TRO: variants seen among roughly 807,000 people sequenced by gnomAD.
The protein encoded by TRO is MAGE superfamily protein.
Under a neutral mutation model 42.3 loss-of-function variants are expected in TRO, and 29 were observed. The observed-to-expected ratio is 0.68, with a 90% CI of 0.51 to 0.93. The LOEUF (loss-of-function observed/expected upper bound fraction) is 0.93. Ranked by LOEUF, TRO falls within the 40% of genes least tolerant of loss-of-function variation. The pLI is 0.00. For synonymous variants in TRO, 384 were observed against 425.2 expected (o/e 0.90, Z 1.19); for missense variants, 963 against 1,127.7 (o/e 0.85, Z 2.09).
At position 54,929,139 on chromosome X, in the gene TRO, C is replaced by T; in HGVS notation, c.2415C>T (p.Phe805=). 1 of 1,212,357 alleles carries T rather than the reference C, an allele frequency of 8.2e-7. No homozygotes were observed. The change falls in exon 12 of 13, where the codon TTC becomes TTT. Residue 805 remains phenylalanine (F), a synonymous_variant. Coordinates refer to ENST00000173898, the MANE Select transcript of TRO (RefSeq NM_001039705.3). ...FGCAHSTSTS[F]SSEASISFGG... is the part of the protein sequence containing the mutation. ...GTGCACACAGCACCAGCACTAGTTTCAGCAGTGAAGCCAGCATTAGCTTTG... is the reference window on the plus strand; with the variant it reads ...GTGCACACAGCACCAGCACTAGTTTTAGCAGTGAAGCCAGCATTAGCTTTG...
Position 54,930,439 on chromosome X carries a change from T to A in TRO, c.3715T>A (p.Phe1239Ile), listed in dbSNP as rs1933044126. 2.5e-6 allele frequency: 3 copies of A among 1,211,199 alleles called. No individual in the cohort carries two copies. The highest frequency in any genetic ancestry group is 3.4e-6 in the Non-Finnish European group (3 of 895,342). Residue 1239 changes from phenylalanine to isoleucine, a missense_variant, in exon 12 of 13, where the codon TTT becomes ATT. Physicochemically the swap from Phe to Ile is conservative, Grantham distance 21. Coordinates refer to ENST00000173898, the MANE Select transcript of TRO (RefSeq NM_001039705.3). ...FSGGLSTSSG[F>I]DGGLGTSAGF... ...TGGTGGCCTAAGCACAAGTTCTGGC[T>A]TTGATGGTGGGCTAGGTACCAGCGC...
chrX:54,923,801 G>C (rs1013185931), intron 3 of TRO, 33 bp downstream of exon 3: 24 of 1,143,189 alleles, frequency 2.1e-5, no homozygotes, highest in Non-Finnish European at 2.7e-5. Flanking sequence ...CCTTAACTTT[G>C]TGCTTCTTTT....
Position 54,929,697 on chromosome X carries a change from T to C in TRO, c.2973T>C (p.Gly991=), listed in dbSNP as rs370457889. 17 of 1,208,573 alleles carry C rather than the reference T, an allele frequency of 1.4e-5. No individual in the cohort carries two copies. Among genetic ancestry groups the C allele is most frequent in the Non-Finnish European group, 1.8e-5 (16 of 894,793 alleles). ...SVLNTSTGFG[G]AMSTSADFGG... is the part of the protein sequence containing the mutation. ...TCAACACCAGTACTGGTTTTGGTGG[T>C]GCTATGAGCACCAGTGCTGACTTTG... The change falls in exon 12 of 13, where the codon GGT becomes GGC. Residue 991 remains glycine, a synonymous_variant. Coordinates refer to ENST00000173898, the MANE Select transcript of TRO (RefSeq NM_001039705.3).
At position 54,923,764 on chromosome X, in the gene TRO, G is replaced by A. The variant is rs776270129; in HGVS notation, c.1232G>A (p.Arg411Gln). 7.5e-6 allele frequency: 9 copies of A among 1,195,695 alleles called. No individual in the cohort carries two copies. Among genetic ancestry groups the A allele is most frequent in the Non-Finnish European group, 1.0e-5 (9 of 888,136 alleles). ...ACCAGGACCCGGGGCAAAAGAAACC[G>A]AAAGGTGAGATCTCTGACATTGCCA... The part of the protein sequence containing the change: ...PTTRTRGKRN[R>Q]KSKHLNGDER... The change falls in exon 3 of 13, where the codon CGA becomes CAA. Residue 411 changes from arginine (R) to glutamine (Q), a missense_variant. Arg to Gln is a conservative substitution (Grantham distance 43, BLOSUM62 1). Coordinates refer to ENST00000173898, the MANE Select transcript of TRO (RefSeq NM_001039705.3).
rs746923091 is a variant in TRO at position 54,928,966 on chromosome X, A to G, written c.2242A>G (p.Ser748Gly). 2 of 1,212,377 alleles carry G rather than the reference A, an allele frequency of 1.6e-6. No individual in the cohort carries two copies. Among genetic ancestry groups the G allele is most frequent in the Non-Finnish European group, 2.2e-6 (2 of 895,662 alleles). The change falls in exon 12 of 13, where the codon AGT (serine) becomes GGT (glycine). Residue 748 changes from serine (S) to glycine (G), a missense_variant. Physicochemically the swap from Ser to Gly is moderately conservative, Grantham distance 56. This residue lies in a region of TRO where 641 missense variants were observed against 811.3 expected (regional missense o/e 0.79). Coordinates refer to ENST00000173898, the MANE Select transcript of TRO (RefSeq NM_001039705.3). ...TAGCTTCAATGGTGCACCCAGCTCC[A>G]GTGGTGGCTTCAGTGGTGGACCTGG... The part of the protein sequence containing the change: ...SISFNGAPSS[S>G]GGFSGGPGIT...
In TRO at chrX:54,923,278, C is replaced by T. The variant is rs772519832; in HGVS notation, c.746C>T (p.Ala249Val). The T allele has an allele frequency of 1.1e-5, 13 of 1,211,772 alleles. No individual in the cohort carries two copies. Among genetic ancestry groups the T allele is most frequent in the Non-Finnish European group, 1.5e-5 (13 of 895,484 alleles). The part of the protein sequence containing the change: ...TNETASIHTT[A>V]ASIRTKKASK... ...GAGACAGCCAGTATCCACACCACAG[C>T]AGCCTCCATCCGAACCAAGAAAGCC... The change falls in exon 3 of 13, where the codon GCA becomes GTA. Residue 249 changes from alanine (A) to valine (V), a missense_variant. Coordinates refer to ENST00000173898, the MANE Select transcript of TRO (RefSeq NM_001039705.3).
In TRO at chrX:54,929,302, A is replaced by G. The variant is rs934761377; in HGVS notation, c.2578A>G (p.Ser860Gly). Reference protein sequence around the residue: ...GGTLSTTAGFSGVLSTSTSFG... With the variant: ...GGTLSTTAGFGGVLSTSTSFG... ...CACACTCAGCACCACGGCTGGCTTT[A>G]GTGGTGTACTCAGCACTAGCACCAG... The change falls in exon 12 of 13, where the codon AGT becomes GGT. Residue 860 changes from serine (S) to glycine (G), a missense_variant. This residue lies in a region of TRO where 641 missense variants were observed against 811.3 expected (regional missense o/e 0.79). Coordinates refer to ENST00000173898, the MANE Select transcript of TRO (RefSeq NM_001039705.3). 8.3e-6 allele frequency: 10 copies of G among 1,209,897 alleles called. No homozygotes were observed. Among genetic ancestry groups the G allele is most frequent in the Non-Finnish European group, 1.0e-5 (9 of 895,035 alleles).
At chrX:54,926,336 T>C in intron 7 of TRO, 74 bp from the exon 8 acceptor site, 1 of 1,032,676 alleles carries the variant, frequency 9.7e-7, no homozygotes. Context: ...CTTTTGCGGA[T>C]GGCTGCTGAA....
Position 54,931,300 on chromosome X carries a change from C to G in TRO, c.*108C>G, listed in dbSNP as rs771044648. On this transcript the variant is annotated 3_prime_UTR_variant, in exon 13 of 13. Coordinates refer to ENST00000173898, the MANE Select transcript of TRO (RefSeq NM_001039705.3). ...TTGGAATCTTTGTCCACACAGCAGT[C>G]AAGGCAGTTATGGCCAATCAGCTGA... The G allele has an allele frequency of 5.0e-6, 6 of 1,211,992 alleles. No homozygotes were observed. Among genetic ancestry groups the G allele is most frequent in the Non-Finnish European group, 2.2e-6 (2 of 895,500 alleles).
chrX:54,924,877 C>T, intron 5 of TRO, 112 bp from the exon 6 acceptor site: 1 of 973,001 alleles, frequency 1.0e-6, no homozygotes, highest in Admixed American at 2.5e-5. Flanking sequence ...CTGGCATCTC[C>T]CATTAACTCA....
chrX:54,927,569 G>A (rs913107748), intron 10 of TRO, 98 bp from the exon 11 acceptor site: 1 of 573,920 alleles, frequency 1.7e-6, no homozygotes, highest in Non-Finnish European at 2.9e-6. Flanking sequence ...CTCTCCAGGG[G>A]CTGTTTGTAT....
intron 1 of TRO, 169 bp from the exon 2 acceptor site, chrX:54,922,030 ACTCT>A: frequency 5.3e-6 from 2 of 379,302 alleles, no homozygotes; most frequent in South Asian, 6.2e-5. Context: ...CGTAGAACTG[ACTCT>A]CTCGGAGGCA....
In TRO at chrX:54,923,408, A is replaced by T; in HGVS notation, c.876A>T (p.Val292=). ...DAATRQIEAS[V]VAIRPKKSKG... is the part of the protein sequence containing the mutation. ...CTACCAGGCAGATTGAGGCCTCAGT[A>T]GTGGCTATCAGGCCCAAAAAATCCA... The change falls in exon 3 of 13, where the codon GTA becomes GTT. Residue 292 remains valine, a synonymous_variant. Transcript: ENST00000173898. The T allele has an allele frequency of 2.5e-6, 3 of 1,199,650 alleles. No individual in the cohort carries two copies. The highest frequency in any genetic ancestry group is 3.4e-6 in the Non-Finnish European group (3 of 888,987).
At chrX:54,922,084 T>TACC in intron 1 of TRO, 119 bp from the exon 2 acceptor site, 2 of 508,781 alleles carry the variant, frequency 3.9e-6, no homozygotes, top group Non-Finnish European at 6.2e-6. Context: ...CCTGGGTTTT[T>TACC]TAGGTATGAA....
At chrX:54,925,713 G>A in intron 7 of TRO, 30 bp downstream of exon 7, 9 of 1,123,682 alleles carry the variant, frequency 8.0e-6, no homozygotes, top group Non-Finnish European at 1.1e-5. Flanking sequence ...GAGTGGGAAG[G>A]AAGCTTCTGC....
In TRO at chrX:54,931,017, C is replaced by A; in HGVS notation, c.4293C>A (p.Gly1431=). The change falls in exon 12 of 13, where the codon GGC becomes GGA. Residue 1431 remains glycine, a synonymous_variant. Coordinates refer to ENST00000173898, the MANE Select transcript of TRO (RefSeq NM_001039705.3). ...TTGGTGCCTGTGGCTTCTCGTATGG[C>A]TAGTGAGGTTTCAGGTAACTGCAAT... The part of the protein sequence containing the change: ...ASLGACGFSY[G] 1 of 1,184,832 alleles carries A rather than the reference C, an allele frequency of 8.4e-7. No individual in the cohort carries two copies.
In TRO at chrX:54,928,674, A is replaced by G; in HGVS notation, c.1950A>G (p.Ala650=). Residue 650 remains alanine, a synonymous_variant, in exon 12 of 13, where the codon GCA becomes GCG. Transcript: ENST00000173898. ...REAVEMEVQA[A]AVAVAEAEAR... is the part of the protein sequence containing the mutation. Reference sequence around the variant, plus strand: ...CAGTGGAGATGGAAGTCCAAGCTGCAGCTGTGGCTGTGGCTGAGGCTGAAG... The same window carrying G: ...CAGTGGAGATGGAAGTCCAAGCTGCGGCTGTGGCTGTGGCTGAGGCTGAAG... 6 of 1,203,999 alleles carry G rather than the reference A, an allele frequency of 5.0e-6. No individual in the cohort carries two copies. Among genetic ancestry groups the G allele is most frequent in the Non-Finnish European group, 6.7e-6 (6 of 891,562 alleles).
rs759721195 is a variant in TRO at position 54,925,684 on chromosome X, G to A, written c.1577+1G>A. On this transcript the variant is annotated splice_donor_variant, in intron 7 of 12. Coordinates refer to ENST00000173898, the MANE Select transcript of TRO (RefSeq NM_001039705.3). LOFTEE classifies it high-confidence loss of function. ...AATCCTCTGCAGGCATACTGGGAAC[G>A]TAAGCTGGGAAAGGGCTGGAGTGGG... 3 of 1,200,654 alleles carry A rather than the reference G, an allele frequency of 2.5e-6. No individual in the cohort carries two copies. The highest frequency in any genetic ancestry group is 3.4e-6 in the Non-Finnish European group (3 of 886,092).
In TRO at chrX:54,923,714, G is replaced by A; in HGVS notation, c.1182G>A (p.Leu394=). The A allele has an allele frequency of 8.3e-7, 1 of 1,210,643 alleles. No individual in the cohort carries two copies. Among genetic ancestry groups the A allele is most frequent in the Middle Eastern group, 2.3e-4 (1 of 4,349 alleles). The part of the protein sequence containing the change: ...AAVQALADDY[L]AQLSLEPTTR... ...TCCAGGCCCTGGCAGATGACTATCT[G>A]GCTCAGTTGAGCCTGGAGCCCACAA... Residue 394 remains leucine, a synonymous_variant, in exon 3 of 13, where the codon CTG becomes CTA. Coordinates refer to ENST00000173898, the MANE Select transcript of TRO (RefSeq NM_001039705.3).
Sources: allele counts gnomAD v4.1 joint callset, GRCh38; gene constraint gnomAD v4.1.1; regional missense constraint gnomAD v4.1.1; transcripts MANE v1.5; gene names NCBI Gene and HGNC (gene_info 2026-07-23, HGNC 2026-07-21).